EFCAB3: variants seen among roughly 807,000 people sequenced by gnomAD.
The protein encoded by EFCAB3 is EF-hand calcium-binding domain-containing protein 3.
A neutral mutation model predicts 42.2 loss-of-function variants in EFCAB3; 36 were observed. That is an observed-to-expected ratio of 0.85 (90% CI 0.65 to 1.13). EFCAB3 has a LOEUF of 1.13. Among genes scored for constraint, EFCAB3 ranks in the 50% most tolerant of loss-of-function variants. The probability of loss-of-function intolerance (pLI) is 0.00; values close to 1 mark genes in which losing one functional copy is unlikely to be tolerated. For synonymous variants in EFCAB3, 170 were observed against 172.8 expected, an observed-to-expected ratio of 0.98 and a Z score of 0.13; for missense variants, 418 against 505.1, an observed-to-expected ratio of 0.83 and a Z score of 1.65.
At chr17:62,411,902 A>AAGGG (rs199538382) in intron 8 of EFCAB3, among the ~76,000 whole-genome samples, 5 of 5,248 alleles carry the variant, frequency 9.5e-4, no homozygotes, top group African/African-American at 2.0e-3. Flanking sequence ...GGAAGGAAGG[A>AAGGG]AGGGAGGGAG....
intron 3 of EFCAB3, among the ~76,000 whole-genome samples, chr17:62,390,557 CT>C (rs2070294675): frequency 6.6e-6 from 1 of 152,196 alleles, no homozygotes; most frequent in South Asian, 2.1e-4. Flanking sequence ...AGGCACAGAT[CT>C]TTGTCTATTT....
chr17:62,370,592 G>A (rs955038276), intron 1 of EFCAB3, among the ~76,000 whole-genome samples: 1 of 151,620 alleles, frequency 6.6e-6, no homozygotes, highest in African/African-American at 2.4e-5. Context: ...GGAGGGGGAG[G>A]TTGCAGTGAG....
intron 5 of EFCAB3, among the ~76,000 whole-genome samples, chr17:62,394,198 C>A (rs2070329539): frequency 6.6e-6 from 1 of 152,206 alleles, no homozygotes; most frequent in African/African-American, 2.4e-5. Context: ...CGTGATCCAC[C>A]CGCCTTGGCC....
chr17:62,374,657 A>T lies in EFCAB3; in HGVS notation c.88+790A>T, dbSNP rs933160933. ...ACATTATGCTGTGAAATTGATCAAC[A>T]GAGGCAAGGTAAAACTTGTCTCTGC... is the stretch of plus-strand genomic sequence containing the variant. On this transcript the variant is annotated intron_variant, in intron 2 of 11. Transcript: ENST00000450662. Among the ~76,000 whole-genome samples, 8 of 152,176 alleles carry T rather than the reference A, an allele frequency of 5.3e-5. No homozygotes were observed. The East Asian group carries it at 1.5e-3, about 29-fold the overall frequency.
chr17:62,402,227 A>G (rs1453440764), intron 6 of EFCAB3, among the ~76,000 whole-genome samples: 1 of 152,228 alleles, frequency 6.6e-6, no homozygotes, highest in Non-Finnish European at 1.5e-5. Flanking sequence ...CAATCATATC[A>G]TCTGCAAACA....
intron 3 of EFCAB3, among the ~76,000 whole-genome samples, chr17:62,391,556 C>T (rs1435489831): frequency 6.6e-6 from 1 of 152,126 alleles, no homozygotes; most frequent in Non-Finnish European, 1.5e-5. Flanking sequence ...ATAGCATATT[C>T]ACTGGTTAAG....
chr17:62,392,884 G>A (rs1314187456), intron 4 of EFCAB3, among the ~76,000 whole-genome samples: 1 of 152,142 alleles, frequency 6.6e-6, no homozygotes, highest in East Asian at 1.9e-4. Flanking sequence ...TGATCCGCCC[G>A]CCTCGGCCTC....
chr17:62,406,799 C>T (rs1356454475), intron 7 of EFCAB3, 126 bp downstream of exon 7: 1 of 1,021,322 alleles, frequency 9.8e-7, no homozygotes, highest in Non-Finnish European at 1.4e-6. Context: ...TGACCACTCT[C>T]TGTCACATAG....
At chr17:62,408,386 C>T (rs996773717) in intron 8 of EFCAB3, among the ~76,000 whole-genome samples, 1 of 152,158 alleles carries the variant, frequency 6.6e-6, no homozygotes, top group Non-Finnish European at 1.5e-5. Context: ...CCCCTTCAAT[C>T]GATTCTCAAC....
rs1301487355 is a variant in EFCAB3 at position 62,384,359 on chromosome 17, AGCAC to A, written c.74+1308_74+1311del. Among the ~76,000 whole-genome samples, 42 of 152,312 alleles carry A rather than the reference AGCAC, an allele frequency of 2.8e-4. 1 individual carries two copies. The highest frequency in any genetic ancestry group is 9.6e-4 in the African/African-American group (40 of 41,574). On this transcript the variant is annotated intron_variant, in intron 2 of 9. Coordinates refer to ENST00000305286, the MANE Select transcript of EFCAB3 (RefSeq NM_173503.4). ...ATAAGAACTTTACATTGCCTGGCCT[AGCAC>A]GGTGGCTCACATCTGTAATCCCAGC...
chr17:62,377,351 A>G (rs981458643), upstream of EFCAB3, among the ~76,000 whole-genome samples: 1 of 152,222 alleles, frequency 6.6e-6, no homozygotes, highest in Non-Finnish European at 1.5e-5. Flanking sequence ...AACCAAACAT[A>G]GGAAACTGAG....
chr17:62,392,425 T>A (rs895859890), intron 4 of EFCAB3, among the ~76,000 whole-genome samples: 6 of 151,748 alleles, frequency 4.0e-5, no homozygotes, highest in Non-Finnish European at 7.4e-5. Context: ...AAGCTAAGAG[T>A]GATTGTCTGA....
At chr17:62,392,741 C>A (rs1355476358) in intron 4 of EFCAB3, among the ~76,000 whole-genome samples, 2 of 152,018 alleles carry the variant, frequency 1.3e-5, no homozygotes, top group Non-Finnish European at 2.9e-5. Context: ...GGGTTCACAC[C>A]ATTCTCCTGC....
intron 5 of EFCAB3, among the ~76,000 whole-genome samples, 156 bp downstream of exon 5, chr17:62,393,800 A>G (rs1051728217): frequency 3.3e-5 from 5 of 152,178 alleles, no homozygotes; most frequent in African/African-American, 1.2e-4. Context: ...AGTATTTGCT[A>G]AACAAATTGA....
chr17:62,402,542 GATC>G (rs2070412958), intron 6 of EFCAB3, among the ~76,000 whole-genome samples: 1 of 152,168 alleles, frequency 6.6e-6, no homozygotes, highest in African/African-American at 2.4e-5. Context: ...CATCTATTGA[GATC>G]ATCATGTGGT....
chr17:62,381,855 G>T, intron 1 of EFCAB3: 1 of 431,702 alleles, frequency 2.3e-6, no homozygotes. Flanking sequence ...TGGCAAGGTT[G>T]CCAGTGTACC....
At chr17:62,381,462 G>A (rs1393492287) in intron 1 of EFCAB3, among the ~76,000 whole-genome samples, 2 of 152,046 alleles carry the variant, frequency 1.3e-5, no homozygotes, top group South Asian at 2.1e-4. Flanking sequence ...CCAGCTTCTG[G>A]TCCATAAGCC....
At chr17:62,387,543 A>G (rs2070264325) in intron 3 of EFCAB3, 127 bp downstream of exon 3, 16 of 741,118 alleles carry the variant, frequency 2.2e-5, no homozygotes, top group Non-Finnish European at 2.9e-5. Context: ...AAAGGAAAAA[A>G]AACCTTACAT....
Position 62,416,098 on chromosome 17 carries a change from T to A in EFCAB3, c.1086T>A (p.Ile362=). ...NLWQKIRGDL[I]GMDSRNESFY... is the part of the protein sequence containing the mutation. The stretch of plus-strand genomic sequence containing the variant: ...GGCAGAAGATCCGAGGGGATTTGAT[T>A]GGGATGGACTCTAGAAATGAGTCCT... Residue 362 remains isoleucine, a synonymous_variant, in exon 10 of 10, where the codon ATT becomes ATA. Coordinates refer to ENST00000305286, the MANE Select transcript of EFCAB3 (RefSeq NM_173503.4). 6.2e-7 allele frequency: 1 copy of A among 1,613,972 alleles called. No individual in the cohort carries two copies. The highest frequency in any genetic ancestry group is 8.5e-7 in the Non-Finnish European group (1 of 1,179,862).
Sources: gnomAD v4.1 joint callset for allele counts (sites outside exome capture counted in the v4.1 genomes callset) on GRCh38, gnomAD v4.1.1 for gene constraint, MANE v1.5 for transcripts, NCBI Gene and HGNC (gene_info 2026-07-23, HGNC 2026-07-21) for gene names.